The following TEKT5 variants were observed in gnomAD, a reference collection of about 807,000 sequenced individuals.
TEKT5 encodes the protein tektin 5, also known as tektin-5.
In TEKT5, 52 loss-of-function variants were observed where a neutral mutation model predicts 48.7. The observed-to-expected ratio is 1.07, with a 90% CI of 0.86 to 1.35. TEKT5 has a LOEUF of 1.35. Ranked by LOEUF, TEKT5 falls within the 40% of genes most tolerant of loss-of-function variation. The pLI is 0.00. For missense variants in TEKT5, 831 were observed against 641.6 expected (o/e 1.30, Z -3.19); for synonymous variants, 318 against 267.6 (o/e 1.19, Z -1.84).
chr16:10,680,594 G>T (rs1343807642), intron 4 of TEKT5, among the ~76,000 whole-genome samples: 2 of 151,710 alleles, frequency 1.3e-5, no homozygotes, highest in Non-Finnish European at 2.9e-5. Flanking sequence ...CAATAGCAAA[G>T]ACTTGGAGCC....
chr16:10,652,639 CA>C (rs1157981865), intron 5 of TEKT5, among the ~76,000 whole-genome samples: 940 of 92,368 alleles, frequency 0.01, 74 homozygotes, highest in Middle Eastern at 0.017. Flanking sequence ...CACACACACA[CA>C]CCCTCCAGGC....
At chr16:10,672,035 T>C (rs922772894) in intron 5 of TEKT5, among the ~76,000 whole-genome samples, 1 of 152,084 alleles carries the variant, frequency 6.6e-6, no homozygotes, top group South Asian at 2.1e-4. Context: ...GAGTGTTTAA[T>C]GGGTGCAGAG....
chr16:10,639,263 C>T (rs1268718739), intron 5 of TEKT5, among the ~76,000 whole-genome samples: 1 of 151,504 alleles, frequency 6.6e-6, no homozygotes, highest in Non-Finnish European at 1.5e-5. Context: ...GCTATGATCG[C>T]ACCACTGCAC....
rs139808796 is a variant in TEKT5 at position 10,639,605 on chromosome 16, C to T, written c.1087-3687G>A. Among the ~76,000 whole-genome samples, 627 of 152,338 alleles carry T rather than the reference C, an allele frequency of 4.1e-3. 4 individuals are homozygous for T. Among genetic ancestry groups the T allele is most frequent in the Non-Finnish European group, 5.0e-3 (339 of 68,032 alleles). ...AAGAGTCCCTAGCACATACTAAGTG[C>T]TCATCAGAGGTCAGCTATTCCAGTG... On this transcript the variant is annotated intron_variant, in intron 5 of 6. Transcript: ENST00000283025.
At chr16:10,690,111 A>T (rs1461163493) in intron 1 of TEKT5, 86 bp from the exon 2 acceptor site, 2 of 1,428,634 alleles carry the variant, frequency 1.4e-6, no homozygotes, top group East Asian at 2.3e-5. Context: ...CCCTTGCCAC[A>T]ATCTGTTCCT....
chr16:10,694,153 T>C (rs1899030464), intron 1 of TEKT5, among the ~76,000 whole-genome samples, 157 bp downstream of exon 1: 1 of 152,200 alleles, frequency 6.6e-6, no homozygotes, highest in Admixed American at 6.5e-5. Flanking sequence ...GGGATTATCC[T>C]GAATTGACTA....
intron 5 of TEKT5, among the ~76,000 whole-genome samples, chr16:10,665,910 G>A (rs913447065): frequency 5.9e-5 from 9 of 152,170 alleles, no homozygotes; most frequent in African/African-American, 2.2e-4. Context: ...GCCTCTGAAA[G>A]CCACATTCAC....
rs1340387046 is a variant in TEKT5, at chr16:10,651,801, AAT to A, written c.1087-15885_1087-15884del. On this transcript the variant is annotated intron_variant, in intron 5 of 6. Transcript: ENST00000283025. ...ATGGCGAAACCCCGTCTCTACTAAA[AAT>A]ACAAAAAAATTAGCCAGGTGTGGTG... Among the ~76,000 whole-genome samples the A allele has an allele frequency of 1.1e-4, 17 of 152,208 alleles. No homozygotes were observed. The South Asian group carries it at 2.1e-3, about 19-fold the overall frequency.
intron 5 of TEKT5, among the ~76,000 whole-genome samples, chr16:10,674,952 G>C (rs1898618523): frequency 6.6e-6 from 1 of 151,810 alleles, no homozygotes; most frequent in Non-Finnish European, 1.5e-5. Flanking sequence ...ACCTCCCCAA[G>C]TAGCTGGGAT....
At chr16:10,633,303 G>C (rs1282327252) in intron 6 of TEKT5, among the ~76,000 whole-genome samples, 1 of 152,168 alleles carries the variant, frequency 6.6e-6, no homozygotes, top group African/African-American at 2.4e-5. Context: ...GGAGGTTGCA[G>C]TGAGCCAAGA....
chr16:10,672,810 C>CATT (rs914379288), intron 5 of TEKT5, among the ~76,000 whole-genome samples: 4 of 151,774 alleles, frequency 2.6e-5, no homozygotes, highest in African/African-American at 7.3e-5. Flanking sequence ...GTTATGCCTG[C>CATT]ATTAACTCAA....
intron 5 of TEKT5, among the ~76,000 whole-genome samples, chr16:10,639,905 T>C (rs914248113): frequency 6.6e-6 from 1 of 152,146 alleles, no homozygotes; most frequent in African/African-American, 2.4e-5. Context: ...CAGATCTGCC[T>C]TGGGACTGGA....
chr16:10,668,140 A>G (rs142995473), intron 5 of TEKT5, among the ~76,000 whole-genome samples: 2,479 of 152,232 alleles, frequency 0.016, 70 homozygotes, highest in African/African-American at 0.054. Flanking sequence ...TGGCTTCCCA[A>G]AGTGCTGGGA....
chr16:10,689,128 C>T (rs1898918137), intron 3 of TEKT5, 125 bp downstream of exon 3: 2 of 630,686 alleles, frequency 3.2e-6, no homozygotes, highest in Non-Finnish European at 5.2e-6. Flanking sequence ...GAACATTTAC[C>T]AGCATACCAC....
At chr16:10,635,612 C>A in intron 6 of TEKT5, 152 bp downstream of exon 6, 2 of 1,223,674 alleles carry the variant, frequency 1.6e-6, no homozygotes, top group Non-Finnish European at 2.3e-6. Flanking sequence ...TCCACCCACA[C>A]CCTGCACTCT....
intron 5 of TEKT5, among the ~76,000 whole-genome samples, chr16:10,650,008 T>C (rs1898128358): frequency 6.6e-6 from 1 of 151,922 alleles, no homozygotes; most frequent in South Asian, 2.1e-4. Flanking sequence ...CCAACCCCGT[T>C]CCACTTTCTT....
intron 5 of TEKT5, among the ~76,000 whole-genome samples, chr16:10,648,043 C>T (rs886693055): frequency 2.0e-5 from 3 of 152,222 alleles, no homozygotes; most frequent in Non-Finnish European, 2.9e-5. Context: ...TCACAGAACT[C>T]AAGTCCCTCC....
intron 5 of TEKT5, among the ~76,000 whole-genome samples, chr16:10,661,949 G>A (rs554410616): frequency 4.7e-4 from 72 of 152,296 alleles, no homozygotes; most frequent in Non-Finnish European, 8.4e-4. Flanking sequence ...AAGCCCTTCA[G>A]AGCCCTGGGT....
intron 5 of TEKT5, among the ~76,000 whole-genome samples, chr16:10,663,363 C>G (rs1463846686): frequency 6.6e-6 from 1 of 152,158 alleles, no homozygotes; most frequent in African/African-American, 2.4e-5. Flanking sequence ...GTAGTTCCAG[C>G]CAGCTTTAGG....
Sources: allele counts gnomAD v4.1 joint callset (sites outside exome capture counted in the v4.1 genomes callset), GRCh38; gene constraint gnomAD v4.1.1; transcripts MANE v1.5; gene names NCBI Gene and HGNC (gene_info 2026-07-23, HGNC 2026-07-21).